Variants in EPB41L3 observed in about 807,000 individuals in gnomAD.
EPB41L3 encodes the protein band 4.1-like protein 3.
Under a neutral mutation model 127.1 loss-of-function variants are expected in EPB41L3, and 57 were observed. The observed-to-expected ratio is 0.45, with a 90% confidence interval of 0.36 to 0.56. The LOEUF (loss-of-function observed/expected upper bound fraction) is 0.56. Among genes scored for constraint, EPB41L3 ranks in the 20% least tolerant of loss-of-function variants. The pLI is 0.00. For synonymous variants in EPB41L3, 572 were observed against 549.5 expected (o/e 1.04, Z -0.57); for missense variants, 1,273 against 1,372.2 (o/e 0.93, Z 1.14).
At chr18:5,478,761 C>T (rs4497789) in intron 2 of EPB41L3, among the ~76,000 whole-genome samples, 82,656 of 151,932 alleles carry the variant, frequency 0.54, 24,374 homozygotes, top group Non-Finnish European at 0.65. Flanking sequence ...ATAGTATAGG[C>T]CTCTAAAATA....
At chr18:5,544,337 C>T (rs1188400144), upstream of EPB41L3, 2 of 985,040 alleles carry the variant, frequency 2.0e-6, no homozygotes, top group Non-Finnish European at 2.4e-6. Context: ...TCCCAGACAT[C>T]CCCTGTGAGA....
rs765557179 is a variant in EPB41L3, at chr18:5,478,340, A to G, written c.282T>C (p.Ser94=). ...DDKLSQKSSS[S]KLSRSPLKIV... ...TCTTTAATGGAGACCGAGAGAGTTT[A>G]CTGCTAGATGATTTCTGAGAAAGTT... The change falls in exon 3 of 23, where the codon AGT becomes AGC. Residue 94 remains serine (S), a synonymous_variant. Coordinates refer to ENST00000341928, the MANE Select transcript of EPB41L3 (RefSeq NM_012307.5). The G allele has an allele frequency of 4.3e-6, 7 of 1,614,126 alleles. No homozygotes were observed. In the Admixed American group the frequency reaches 1.0e-4, roughly 23 times the overall value.
chr18:5,625,942 T>C (rs1360269971), intron 1 of EPB41L3, among the ~76,000 whole-genome samples: 3 of 150,512 alleles, frequency 2.0e-5, no homozygotes, highest in African/African-American at 7.5e-5. Context: ...AGTTCTACCA[T>C]GCTTTTTTTT....
At chr18:5,549,831 TAGAA>T (rs1279586386) in intron 3 of EPB41L3, among the ~76,000 whole-genome samples, 2 of 152,138 alleles carry the variant, frequency 1.3e-5, no homozygotes, top group Non-Finnish European at 2.9e-5. Flanking sequence ...AGATGTTTCA[TAGAA>T]GTTGGAACCG....
chr18:5,495,082 G>C (rs1441636867), intron 1 of EPB41L3, among the ~76,000 whole-genome samples: 1 of 152,178 alleles, frequency 6.6e-6, no homozygotes, highest in Non-Finnish European at 1.5e-5. Context: ...TTCAGGACTG[G>C]TCATTATTAA....
At chr18:5,421,375 A>G (rs1272810100) in intron 11 of EPB41L3, among the ~76,000 whole-genome samples, 1 of 152,206 alleles carries the variant, frequency 6.6e-6, no homozygotes, top group Non-Finnish European at 1.5e-5. Context: ...TAATAGAGAC[A>G]CTCTAAAGGA....
chr18:5,473,665 T>A (rs893780048), intron 3 of EPB41L3, among the ~76,000 whole-genome samples: 1 of 152,044 alleles, frequency 6.6e-6, no homozygotes, highest in African/African-American at 2.4e-5. Flanking sequence ...GACTGTTACC[T>A]CCATTGCATG....
At chr18:5,573,643 C>T (rs1426235572) in intron 3 of EPB41L3, among the ~76,000 whole-genome samples, 1 of 152,120 alleles carries the variant, frequency 6.6e-6, no homozygotes, top group African/African-American at 2.4e-5. Flanking sequence ...CTAGCAGGCA[C>T]CTCAGCACTT....
chr18:5,461,623 T>C (rs1823627633), intron 3 of EPB41L3, among the ~76,000 whole-genome samples: 1 of 152,208 alleles, frequency 6.6e-6, no homozygotes, highest in Admixed American at 6.5e-5. Context: ...GACTTATCCT[T>C]GACCTAGATT....
Position 5,410,585 on chromosome 18 carries a change from C to G in EPB41L3, c.2102G>C (p.Gly701Ala). The G allele has an allele frequency of 6.2e-7, 1 of 1,613,700 alleles. No homozygotes were observed. The change falls in exon 14 of 23, where the codon GGG (glycine) becomes GCG (alanine). Residue 701 changes from glycine (G) to alanine (A), a missense_variant. Gly to Ala is a moderately conservative substitution (Grantham distance 60). Around this residue, in one of 3 missense-constraint regions of EPB41L3, gnomAD observed 765 missense variants for 782.9 expected, o/e 0.98. Coordinates refer to ENST00000341928, the MANE Select transcript of EPB41L3 (RefSeq NM_012307.5). Reference sequence around the variant, plus strand: ...ACCAACCTCAGTGGCAGTGGTCTCCCCGTCGGCTGCGGTGTCCGTGCGCTC... The same window carrying G: ...ACCAACCTCAGTGGCAGTGGTCTCCGCGTCGGCTGCGGTGTCCGTGCGCTC... ...DSERTDTAAD[G>A]ETTATESDQE...
chr18:5,564,581 G>A (rs983847596), intron 3 of EPB41L3, among the ~76,000 whole-genome samples: 7 of 152,236 alleles, frequency 4.6e-5, no homozygotes, highest in East Asian at 3.9e-4. Flanking sequence ...AGGCACAGGC[G>A]GAGGTAATGC....
chr18:5,459,689 TC>T (rs2083653560), intron 3 of EPB41L3, among the ~76,000 whole-genome samples: 1 of 152,226 alleles, frequency 6.6e-6, no homozygotes, highest in Non-Finnish European at 1.5e-5. Flanking sequence ...AATTATATAT[TC>T]CTGGGATATT....
In EPB41L3 at chr18:5,393,382, A is replaced by G; in HGVS notation, c.*103T>C. ...TTCTGGACTGAAATTTTCCACGGAC[A>G]GATACAAGTCAGTTGGGTTAGAAGA... is the stretch of plus-strand genomic sequence containing the variant. On this transcript the variant is annotated 3_prime_UTR_variant, in exon 23 of 23. Coordinates refer to ENST00000341928, the MANE Select transcript of EPB41L3 (RefSeq NM_012307.5). 1 of 636,486 alleles carries G rather than the reference A, an allele frequency of 1.6e-6. No homozygotes were observed. Among genetic ancestry groups the G allele is most frequent in the Admixed American group, 2.6e-5 (1 of 38,174 alleles). 39.4% of individuals were successfully genotyped at this position (636,486 alleles called of 1,614,324 possible).
intron 1 of EPB41L3, among the ~76,000 whole-genome samples, chr18:5,617,321 T>A (rs946019820): frequency 7.0e-5 from 3 of 42,752 alleles, no homozygotes; most frequent in Admixed American, 1.9e-4. Context: ...ATTATTATTA[T>A]TTTTTTTTTT....
At chr18:5,628,557 T>C (rs1442312759) in intron 1 of EPB41L3, among the ~76,000 whole-genome samples, 2 of 152,184 alleles carry the variant, frequency 1.3e-5, no homozygotes, top group Non-Finnish European at 2.9e-5. Flanking sequence ...GCGTCTTCCC[T>C]TTCCTTGTCT....
At chr18:5,536,498 C>A (rs1341495391) in intron 1 of EPB41L3, among the ~76,000 whole-genome samples, 1 of 143,632 alleles carries the variant, frequency 7.0e-6, no homozygotes, top group South Asian at 2.3e-4. Context: ...CATACTGTTA[C>A]ATTTAAAAAA....
Position 5,477,630 on chromosome 18 carries a change from C to T in EPB41L3, c.381+611G>A, listed in dbSNP as rs138085346. ...TGCAGTTCCAGACAGGTTGTGTTCTCAACTGCTAATTTGGTCTTGACAAAC... is the reference window on the plus strand; with the variant it reads ...TGCAGTTCCAGACAGGTTGTGTTCTTAACTGCTAATTTGGTCTTGACAAAC... On this transcript the variant is annotated intron_variant, in intron 3 of 22. Coordinates refer to ENST00000341928, the MANE Select transcript of EPB41L3 (RefSeq NM_012307.5). 1.5e-3 allele frequency among the ~76,000 whole-genome samples: 232 copies of T among 152,338 alleles called. 1 individual carries two copies. The highest frequency in any genetic ancestry group is 5.4e-3 in the African/African-American group (223 of 41,588).
chr18:5,447,991 T>C (rs1044111448), intron 3 of EPB41L3, among the ~76,000 whole-genome samples: 1 of 152,188 alleles, frequency 6.6e-6, no homozygotes, highest in African/African-American at 2.4e-5. Flanking sequence ...GATGGTTATA[T>C]CATGGGATGG....
upstream of EPB41L3, among the ~76,000 whole-genome samples, chr18:5,629,937 G>T (rs1010045793): frequency 2.0e-5 from 3 of 152,194 alleles, no homozygotes; most frequent in African/African-American, 7.2e-5. Context: ...GCAAGAGGGG[G>T]CGGAGGAGGA....
Sources: allele counts gnomAD v4.1 joint callset (sites outside exome capture counted in the v4.1 genomes callset), GRCh38; gene constraint gnomAD v4.1.1; regional missense constraint gnomAD v4.1.1; transcripts MANE v1.5; gene names NCBI Gene and HGNC (gene_info 2026-07-23, HGNC 2026-07-21).